Variants in NKAIN2 observed in about 807,000 individuals in gnomAD.
NKAIN2 encodes sodium/potassium-transporting ATPase subunit beta-1-interacting protein 2.
NKAIN2 carries 14 observed loss-of-function variants against 32.6 expected under a neutral mutation model. The observed-to-expected ratio is 0.43, with a 90% CI of 0.28 to 0.67. The LOEUF is 0.67. Among genes scored for constraint, NKAIN2 ranks in the 30% least tolerant of loss-of-function variants. The pLI is 0.17. For synonymous variants in NKAIN2, 80 were observed against 87.2 expected, an observed-to-expected ratio of 0.92 and a Z score of 0.46; for missense variants, 198 against 258.3, an observed-to-expected ratio of 0.77 and a Z score of 1.60.
At chr6:123,816,242 G>T (rs1289640297) in intron 1 of NKAIN2, among the ~76,000 whole-genome samples, 1 of 152,092 alleles carries the variant, frequency 6.6e-6, no homozygotes, top group Non-Finnish European at 1.5e-5. Context: ...GTCTGGTTTA[G>T]TCTGGTTCAT....
chr6:124,272,238 C>T (rs190656622), intron 1 of NKAIN2, among the ~76,000 whole-genome samples: 4 of 152,258 alleles, frequency 2.6e-5, no homozygotes, highest in Non-Finnish European at 5.9e-5. Flanking sequence ...CATCACAGGC[C>T]CAGAGGCCTA....
At chr6:124,742,113 G>T (rs1396664450) in intron 4 of NKAIN2, among the ~76,000 whole-genome samples, 3 of 151,830 alleles carry the variant, frequency 2.0e-5, no homozygotes, top group African/African-American at 7.3e-5. Flanking sequence ...AATCACATGT[G>T]CCTCTGGCTC....
At chr6:124,642,745 G>A (rs1436011277) in intron 3 of NKAIN2, among the ~76,000 whole-genome samples, 1 of 152,104 alleles carries the variant, frequency 6.6e-6, no homozygotes, top group Non-Finnish European at 1.5e-5. Flanking sequence ...TTTTGTTAAT[G>A]TAAATATTGA....
chr6:124,130,633 A>G (rs985930538), intron 1 of NKAIN2, among the ~76,000 whole-genome samples: 1 of 149,622 alleles, frequency 6.7e-6, no homozygotes, highest in East Asian at 2.0e-4. Flanking sequence ...TTTTGGTAGA[A>G]TGTTAATCTT....
intron 3 of NKAIN2, among the ~76,000 whole-genome samples, chr6:124,453,582 T>C (rs1405561076): frequency 6.6e-6 from 1 of 152,020 alleles, no homozygotes; most frequent in Non-Finnish European, 1.5e-5. Flanking sequence ...CATTTTAAAT[T>C]CAGAGACTAT....
rs147844769 is a variant in NKAIN2 at position 124,119,282 on chromosome 6, A to G, written c.55-163723A>G. Among the ~76,000 whole-genome samples, 975 of 152,270 alleles carry G rather than the reference A, an allele frequency of 6.4e-3. 10 individuals carry two copies. The highest frequency in any genetic ancestry group is 0.031 in the Middle Eastern group (9 of 294). On this transcript the variant is annotated intron_variant, in intron 1 of 6. Coordinates refer to ENST00000368417, the MANE Select transcript of NKAIN2 (RefSeq NM_001040214.3). ...ATTTCCCCCTTGCCCCAAATTCTGCATTCTCCAGAACAAATGTATGTTCCT... is the reference window on the plus strand; with the variant it reads ...ATTTCCCCCTTGCCCCAAATTCTGCGTTCTCCAGAACAAATGTATGTTCCT...
In NKAIN2 at chr6:124,225,404, T is replaced by C. The variant is rs1040193602; in HGVS notation, c.55-57601T>C. Among the ~76,000 whole-genome samples the C allele has an allele frequency of 2.6e-5, 4 of 152,168 alleles. No homozygotes were observed. In the South Asian group the frequency reaches 8.3e-4, roughly 32 times the overall value. ...AATAATGAGAATGCTTCTTTCCTAC[T>C]TGACCATAATTATCTGCTCTTATTT... On this transcript the variant is annotated intron_variant, in intron 1 of 6. Coordinates refer to ENST00000368417, the MANE Select transcript of NKAIN2 (RefSeq NM_001040214.3).
intron 1 of NKAIN2, among the ~76,000 whole-genome samples, chr6:124,023,684 A>C (rs970024986): frequency 6.6e-6 from 1 of 152,176 alleles, no homozygotes; most frequent in Non-Finnish European, 1.5e-5. Context: ...TTAACTTTAC[A>C]TTGATTTTCT....
rs149246533 is a variant in NKAIN2 at position 124,323,992 on chromosome 6, C to T, written c.193-31275C>T. ...ATTTTTAATGGTGACGGGGTTACAC[C>T]GTGTTAGCCAGGATGGTCTCGATCT... On this transcript the variant is annotated intron_variant, in intron 2 of 6. Coordinates refer to ENST00000368417, the MANE Select transcript of NKAIN2 (RefSeq NM_001040214.3). Among the ~76,000 whole-genome samples, 549 of 151,934 alleles carry T rather than the reference C, an allele frequency of 3.6e-3. 1 individual carries two copies. Among genetic ancestry groups the T allele is most frequent in the East Asian group, 0.025 (126 of 5,136 alleles).
chr6:124,460,647 G>A (rs1240295855), intron 3 of NKAIN2, among the ~76,000 whole-genome samples: 1 of 151,398 alleles, frequency 6.6e-6, no homozygotes, highest in Non-Finnish European at 1.5e-5. Context: ...TCTTTTCTAT[G>A]GCTTTTAAAG....
In NKAIN2 at chr6:124,678,828, T is replaced by C. The variant is rs1252614027; in HGVS notation, c.474+20442T>C. On this transcript the variant is annotated intron_variant, in intron 4 of 6. Transcript: ENST00000368417. ...GCCACTTCTCCCAAACTTTAAAAACTGGCTTTGTACAGGGAAAGATCTTTG... is the reference window on the plus strand; with the variant it reads ...GCCACTTCTCCCAAACTTTAAAAACCGGCTTTGTACAGGGAAAGATCTTTG... 3.9e-5 allele frequency among the ~76,000 whole-genome samples: 6 copies of C among 152,352 alleles called. No homozygotes were observed. In the South Asian group the frequency reaches 8.3e-4, roughly 21 times the overall value.
chr6:124,077,484 A>G (rs1430833098), intron 1 of NKAIN2, among the ~76,000 whole-genome samples: 1 of 152,196 alleles, frequency 6.6e-6, no homozygotes, highest in East Asian at 1.9e-4. Context: ...TCCTGGCGAC[A>G]TCTACTTGAT....
intron 1 of NKAIN2, among the ~76,000 whole-genome samples, chr6:124,225,774 T>C (rs1402606324): frequency 1.3e-5 from 2 of 151,984 alleles, no homozygotes; most frequent in Non-Finnish European, 1.5e-5. Context: ...TCCATTTCAG[T>C]TGAAGAATTT....
At chr6:124,405,565 G>A (rs1288276654) in intron 3 of NKAIN2, among the ~76,000 whole-genome samples, 3 of 146,186 alleles carry the variant, frequency 2.1e-5, no homozygotes, top group African/African-American at 7.6e-5. Flanking sequence ...TTTTTGTGGA[G>A]AACAGGGTCT....
At chr6:123,902,110 G>A (rs1473476639) in intron 1 of NKAIN2, among the ~76,000 whole-genome samples, 1 of 152,048 alleles carries the variant, frequency 6.6e-6, no homozygotes, top group African/African-American at 2.4e-5. Context: ...AAATATTGAA[G>A]GGCATAACTT....
At chr6:124,583,501 T>C (rs1418444813) in intron 3 of NKAIN2, among the ~76,000 whole-genome samples, 1 of 152,156 alleles carries the variant, frequency 6.6e-6, no homozygotes, top group East Asian at 1.9e-4. Flanking sequence ...TATTCTATGA[T>C]CATGTATTGG....
intron 1 of NKAIN2, among the ~76,000 whole-genome samples, chr6:123,905,825 T>C (rs772857145): frequency 5.9e-5 from 9 of 152,166 alleles, no homozygotes; most frequent in Non-Finnish European, 1.0e-4. Context: ...TAGTCCTAGA[T>C]TGAATTAATG....
chr6:124,134,717 A>G (rs115807437), intron 1 of NKAIN2, among the ~76,000 whole-genome samples: 3,143 of 152,244 alleles, frequency 0.021, 118 homozygotes, highest in African/African-American at 0.072. Context: ...TGGTAAACTT[A>G]TTTGAGGGAA....
intron 1 of NKAIN2, among the ~76,000 whole-genome samples, chr6:124,195,618 T>C (rs1193685043): frequency 2.0e-5 from 3 of 152,118 alleles, no homozygotes; most frequent in South Asian, 2.1e-4. Flanking sequence ...AGTGAGAAAC[T>C]TGGATAAAGC....
Sources: allele counts gnomAD v4.1 joint callset (sites outside exome capture counted in the v4.1 genomes callset), GRCh38; gene constraint gnomAD v4.1.1; transcripts MANE v1.5; gene names NCBI Gene and HGNC (gene_info 2026-07-23, HGNC 2026-07-21).